The following NIF3L1 variants were observed in gnomAD, a reference collection of about 807,000 sequenced individuals.
NIF3L1 encodes NGG1 interacting factor 3 like 1, also known as NIF3-like protein 1.
NIF3L1 carries 26 observed loss-of-function variants against 35.0 expected under a neutral mutation model. The ratio of observed to expected loss-of-function variants is 0.74; its 90% CI spans 0.54 to 1.03. The LOEUF is 1.03. Among genes scored for constraint, NIF3L1 ranks in the 50% least tolerant of loss-of-function variants. NIF3L1 has a pLI of 0.00. For synonymous variants in NIF3L1, 157 were observed against 178.9 expected (o/e 0.88, Z 0.98); for missense variants, 449 against 466.3 (o/e 0.96, Z 0.34).
At chr2:200,899,204 G>T in intron 5 of NIF3L1, 181 bp from the exon 6 acceptor site, 1 of 440,012 alleles carries the variant, frequency 2.3e-6, no homozygotes, top group Non-Finnish European at 4.1e-6. Flanking sequence ...CAATATCAAA[G>T]AATGACCTGT....
chr2:200,894,549 C>T (rs939960108), intron 3 of NIF3L1, among the ~76,000 whole-genome samples: 4 of 151,582 alleles, frequency 2.6e-5, no homozygotes, highest in East Asian at 3.9e-4. Context: ...TACAGGCACC[C>T]GCCCCCCACC....
rs943244674 is a variant in NIF3L1 at position 200,890,050 on chromosome 2, A to G, written c.-27+398A>G. ...AGAAAATGCTGGAGAATGGAGTACT[A>G]TGAGGACCATTAGAAGATCTTTCAA... On this transcript the variant is annotated intron_variant, in intron 1 of 6. Transcript: ENST00000409020. Among the ~76,000 whole-genome samples the G allele has an allele frequency of 7.9e-5, 12 of 152,166 alleles. 1 individual carries two copies. The highest frequency in any genetic ancestry group is 7.9e-4 in the Admixed American group (12 of 15,272).
Position 200,893,289 on chromosome 2 carries a change from C to G in NIF3L1, c.480C>G (p.Asn160Lys), listed in dbSNP as rs201916129. 5.1e-4 allele frequency: 819 copies of G among 1,590,442 alleles called. No homozygotes were observed. The highest frequency in any genetic ancestry group is 6.5e-4 in the Non-Finnish European group (756 of 1,167,032). The change falls in exon 3 of 7, where the codon AAC (asparagine) becomes AAG (lysine). Residue 160 changes from asparagine to lysine, a missense_variant. Coordinates refer to ENST00000409020, the MANE Select transcript of NIF3L1 (RefSeq NM_001369441.2). ...SRPIHPSKAP[N>K]YPTEGNHRVE... Reference sequence around the variant, plus strand: ...CCATACATCCTTCCAAAGCTCCCAACTACCCTACAGAGGGAAACCACCGAG... The same window carrying G: ...CCATACATCCTTCCAAAGCTCCCAAGTACCCTACAGAGGGAAACCACCGAG...
chr2:200,897,785 GAAC>G (rs1219005696), intron 5 of NIF3L1, among the ~76,000 whole-genome samples: 4 of 152,168 alleles, frequency 2.6e-5, no homozygotes, highest in Non-Finnish European at 5.9e-5. Flanking sequence ...GTACTTTTGA[GAAC>G]AAAAAGAGTG....
chr2:200,903,623 A>C lies in NIF3L1; in HGVS notation c.1079A>C (p.Asn360Thr), dbSNP rs778730433. Residue 360 changes from asparagine (N) to threonine (T), a missense_variant, in exon 7 of 7, where the codon AAT (asparagine) becomes ACT (threonine). Asn to Thr is a moderately conservative substitution (Grantham distance 65, BLOSUM62 0). Coordinates refer to ENST00000409020, the MANE Select transcript of NIF3L1 (RefSeq NM_001369441.2). Reference sequence around the variant, plus strand: ...GATATGCTGGATTCTCACTTGGAGAATAAGATAAATATTATCCTATCAGAG... The same window carrying C: ...GATATGCTGGATTCTCACTTGGAGACTAAGATAAATATTATCCTATCAGAG... Reference protein sequence around the residue: ...LRDMLDSHLENKINIILSETD... With the variant: ...LRDMLDSHLETKINIILSETD... 1.6e-5 allele frequency: 26 copies of C among 1,613,918 alleles called. No individual in the cohort carries two copies. The South Asian group carries it at 2.3e-4, about 14-fold the overall frequency.
chr2:200,895,740 C>T (rs956463641), intron 4 of NIF3L1, among the ~76,000 whole-genome samples: 2 of 152,178 alleles, frequency 1.3e-5, no homozygotes, highest in Non-Finnish European at 2.9e-5. Context: ...GATTTGGTTA[C>T]AGGTTTGCTG....
In NIF3L1 at chr2:200,895,251, T is replaced by G; in HGVS notation, c.600-13T>G. ...CTATATTTGTCCTAAATGGAGTGAT[T>G]TTTCCCCCCTAGGACTGGTAATGAG... On this transcript the variant is annotated splice_polypyrimidine_tract_variant and intron_variant, in intron 3 of 6. Coordinates refer to ENST00000409020, the MANE Select transcript of NIF3L1 (RefSeq NM_001369441.2). 2 of 1,610,614 alleles carry G rather than the reference T, an allele frequency of 1.2e-6. No homozygotes were observed. The highest frequency in any genetic ancestry group is 1.1e-5 in the South Asian group (1 of 90,998).
In NIF3L1 at chr2:200,899,177, G is replaced by T. The variant is rs568553624; in HGVS notation, c.866-208G>T. ...AACACAACAAAGGAATAATAACCAT[G>T]CCTTGGGTTAGCTATGCAATATCAA... On this transcript the variant is annotated intron_variant, in intron 5 of 6. Coordinates refer to ENST00000409020, the MANE Select transcript of NIF3L1 (RefSeq NM_001369441.2). 19 of 399,780 alleles carry T rather than the reference G, an allele frequency of 4.8e-5. No homozygotes were observed. The South Asian group carries it at 1.4e-3, about 29-fold the overall frequency. The allele number at this position is 399,780 out of a possible 1,614,324, so 24.8% of individuals were successfully genotyped here. A position where few individuals can be genotyped will look rare whatever the true frequency, so the allele number is the denominator to read the frequency against.
intron 6 of NIF3L1, among the ~76,000 whole-genome samples, chr2:200,901,962 A>G (rs1348128000): frequency 6.6e-6 from 1 of 152,160 alleles, no homozygotes; most frequent in East Asian, 1.9e-4. Flanking sequence ...TTATAGATTA[A>G]GATGTTTTAA....
rs184981231 is a variant in NIF3L1 at position 200,903,792 on chromosome 2, C to A, written c.*114C>A. 4.8e-6 allele frequency: 4 copies of A among 832,144 alleles called. No individual in the cohort carries two copies. The East Asian group carries it at 1.0e-4, about 21-fold the overall frequency. 51.5% of individuals were successfully genotyped at this position (832,144 alleles called of 1,614,324 possible). ...CAGAGAGTGTCTTCGAGGGTATCAT[C>A]ATTTCCGGTTTGTTAATCTTATTCA... On this transcript the variant is annotated 3_prime_UTR_variant, in exon 7 of 7. Coordinates refer to ENST00000409020, the MANE Select transcript of NIF3L1 (RefSeq NM_001369441.2).
intron 5 of NIF3L1, 159 bp from the exon 6 acceptor site, chr2:200,899,225 TA>T: frequency 2.1e-6 from 1 of 481,272 alleles, no homozygotes. Flanking sequence ...TTGCTTATAT[TA>T]AAACATGTTT....
chr2:200,894,996 A>AC (rs2040276870), intron 3 of NIF3L1, among the ~76,000 whole-genome samples: 1 of 151,908 alleles, frequency 6.6e-6, no homozygotes, highest in Non-Finnish European at 1.5e-5. Context: ...AACCTCTCAG[A>AC]CCCCCACCTA....
intron 6 of NIF3L1, among the ~76,000 whole-genome samples, chr2:200,901,546 T>C (rs2040410284): frequency 6.6e-6 from 1 of 152,196 alleles, no homozygotes; most frequent in Admixed American, 6.5e-5. Flanking sequence ...CTGTGAGGCA[T>C]CACTTTTGAG....
In NIF3L1 at chr2:200,903,769, G is replaced by C. The variant is rs1476705985; in HGVS notation, c.*91G>C. The C allele has an allele frequency of 2.0e-6, 2 of 1,013,698 alleles. No homozygotes were observed. Among genetic ancestry groups the C allele is most frequent in the Non-Finnish European group, 3.1e-6 (2 of 635,634 alleles). 62.8% of individuals were successfully genotyped at this position (1,013,698 alleles called of 1,614,324 possible). On this transcript the variant is annotated 3_prime_UTR_variant, in exon 7 of 7. Coordinates refer to ENST00000409020, the MANE Select transcript of NIF3L1 (RefSeq NM_001369441.2). ...AGTCAGTGGGACTGGTGTGCTTCCA[G>C]AGAGTGTCTTCGAGGGTATCATCAT...
intron 5 of NIF3L1, among the ~76,000 whole-genome samples, chr2:200,897,861 C>T (rs1004667854): frequency 1.3e-5 from 2 of 152,156 alleles, no homozygotes; most frequent in Non-Finnish European, 2.9e-5. Context: ...GTCCTAAGTA[C>T]GTGAGCTCCT....
intron 6 of NIF3L1, among the ~76,000 whole-genome samples, chr2:200,901,885 C>A (rs1041087867): frequency 1.3e-5 from 2 of 152,156 alleles, no homozygotes; most frequent in African/African-American, 4.8e-5. Context: ...GCCAGACTTA[C>A]CTTTCCTAAA....
chr2:200,893,285 C>G lies in NIF3L1; in HGVS notation c.476C>G (p.Pro159Arg). 1 of 1,582,354 alleles carries G rather than the reference C, an allele frequency of 6.3e-7. No homozygotes were observed. The highest frequency in any genetic ancestry group is 8.6e-7 in the Non-Finnish European group (1 of 1,162,616). Residue 159 changes from proline to arginine, a missense_variant, in exon 3 of 7, where the codon CCC becomes CGC. Transcript: ENST00000409020. ...TSRPIHPSKA[P>R]NYPTEGNHRV... ...AGGCCCATACATCCTTCCAAAGCTC[C>G]CAACTACCCTACAGAGGGAAACCAC...
intron 3 of NIF3L1, among the ~76,000 whole-genome samples, chr2:200,894,566 G>A (rs143668589): frequency 0.012 from 1,825 of 151,532 alleles, 33 homozygotes; most frequent in African/African-American, 0.042. Context: ...CACCACGCCC[G>A]GCTAATTTTT....
intron 6 of NIF3L1, among the ~76,000 whole-genome samples, 192 bp from the exon 7 acceptor site, chr2:200,903,302 C>T (rs998328194): frequency 6.6e-6 from 1 of 152,208 alleles, no homozygotes; most frequent in Admixed American, 6.5e-5. Flanking sequence ...CGCGCCCAGA[C>T]TTTTCTCTCT....
Sources: gnomAD v4.1 joint callset for allele counts (sites outside exome capture counted in the v4.1 genomes callset) on GRCh38, gnomAD v4.1.1 for gene constraint, MANE v1.5 for transcripts, NCBI Gene and HGNC (gene_info 2026-07-23, HGNC 2026-07-21) for gene names.